The following TMEM63A variants were observed in gnomAD, a reference collection of about 807,000 sequenced individuals.
The protein encoded by TMEM63A is mechanosensitive cation channel TMEM63A.
A neutral mutation model predicts 100.6 loss-of-function variants in TMEM63A; 76 were observed. That is an observed-to-expected ratio of 0.76 (90% confidence interval 0.63 to 0.91). The LOEUF is 0.91. TMEM63A is among the 40% of genes least tolerant of loss of function. The probability of loss-of-function intolerance (pLI) is 0.00; values close to 1 mark genes in which losing one functional copy is unlikely to be tolerated. For missense variants in TMEM63A, 876 were observed against 1,008.8 expected (o/e 0.87, Z 1.78); for synonymous variants, 401 against 401.1 (o/e 1.00, Z 0.00).
intron 14 of TMEM63A, chr1:225,859,649 G>GCTTT (rs746371875): frequency 3.2e-4 from 87 of 268,784 alleles, no homozygotes; most frequent in African/African-American, 1.6e-3. Context: ...TTCTTTTTCT[G>GCTTT]TTTTTTTTTT....
rs1049163312 is a variant in TMEM63A, at chr1:225,851,190, G to A, written c.1904-1111C>T. Among the ~76,000 whole-genome samples the A allele has an allele frequency of 2.0e-5, 3 of 152,050 alleles. No homozygotes were observed. The East Asian group carries it at 5.8e-4, about 29-fold the overall frequency. On this transcript the variant is annotated intron_variant, in intron 20 of 24. Coordinates refer to ENST00000366835, the MANE Select transcript of TMEM63A (RefSeq NM_014698.3). ...TCCTCCCCAGCCCTTCCCATGCTGA[G>A]CCCCTGTATGTCAGTGCTCCCACAC... is the stretch of plus-strand genomic sequence containing the variant.
In TMEM63A at chr1:225,862,209, T is replaced by G; in HGVS notation, c.1085+9A>C. 2 of 1,613,488 alleles carry G rather than the reference T, an allele frequency of 1.2e-6. No homozygotes were observed. The highest frequency in any genetic ancestry group is 1.7e-6 in the Non-Finnish European group (2 of 1,179,974). ...AGCCAAGAAGGGGTCTGGATGTGCCTACACTCACTAGGTGGCCATGGACTT... is the reference window on the plus strand; with the variant it reads ...AGCCAAGAAGGGGTCTGGATGTGCCGACACTCACTAGGTGGCCATGGACTT... On this transcript the variant is annotated intron_variant, in intron 13 of 24. Coordinates refer to ENST00000366835, the MANE Select transcript of TMEM63A (RefSeq NM_014698.3). This position sits in a 1 kb window ranked among gnomAD's most constrained non-coding sequence, Gnocchi z 5.1.
At chr1:225,870,444 GCCC>G (rs3841810) in intron 6 of TMEM63A, among the ~76,000 whole-genome samples, 3 of 150,186 alleles carry the variant, frequency 2.0e-5, no homozygotes, top group African/African-American at 4.9e-5. Flanking sequence ...ATCAGTCCCC[GCCC>G]CCCCCCGCCT....
chr1:225,859,705 G>C (rs1284073787), intron 14 of TMEM63A: 1 of 243,620 alleles, frequency 4.1e-6, no homozygotes, highest in African/African-American at 2.4e-5. Flanking sequence ...GAGTGCAGTG[G>C]TGTGATCTCG....
At position 225,853,594 on chromosome 1, in the gene TMEM63A, G is replaced by C. The variant is rs751241524; in HGVS notation, c.1797+35C>G. On this transcript the variant is annotated intron_variant, in intron 19 of 24. Coordinates refer to ENST00000366835, the MANE Select transcript of TMEM63A (RefSeq NM_014698.3). This position sits in a 1 kb window ranked among gnomAD's most constrained non-coding sequence, Gnocchi z 4.0. ...TCAGTGAAGGGGGACATGGGAGGGAGTCAGAGGCACAGCCCTGGGCCCAGG... is the reference window on the plus strand; with the variant it reads ...TCAGTGAAGGGGGACATGGGAGGGACTCAGAGGCACAGCCCTGGGCCCAGG... 21 of 1,508,128 alleles carry C rather than the reference G, an allele frequency of 1.4e-5. No homozygotes were observed. The highest frequency in any genetic ancestry group is 1.8e-5 in the Non-Finnish European group (20 of 1,123,054). 93.4% of individuals were successfully genotyped at this position (1,508,128 alleles called of 1,614,324 possible).
Position 225,867,124 on chromosome 1 carries a change from T to C in TMEM63A, c.554A>G (p.Asn185Ser). The C allele has an allele frequency of 3.7e-6, 6 of 1,614,040 alleles. No homozygotes were observed. The highest frequency in any genetic ancestry group is 5.1e-6 in the Non-Finnish European group (6 of 1,179,994). Residue 185 changes from asparagine (N) to serine (S), a missense_variant, in exon 8 of 25, where the codon AAC becomes AGC. Asn to Ser is a conservative substitution (Grantham distance 46, BLOSUM62 1). Coordinates refer to ENST00000366835, the MANE Select transcript of TMEM63A (RefSeq NM_014698.3). This position sits in a 1 kb window ranked among gnomAD's most constrained non-coding sequence, Gnocchi z 4.6. ...PYSFGRTTIA[N>S]LQTDNDLLWL... Reference sequence around the variant, plus strand: ...GCTCCATACTCACTCAGTCTGTAGGTTTGCTATTGTTGTCCTCCCAAAACT... The same window carrying C: ...GCTCCATACTCACTCAGTCTGTAGGCTTGCTATTGTTGTCCTCCCAAAACT...
intron 3 of TMEM63A, 69 bp downstream of exon 3, chr1:225,877,326 A>C: frequency 6.7e-7 from 1 of 1,503,000 alleles, no homozygotes; most frequent in Non-Finnish European, 9.0e-7. Flanking sequence ...TAAGTTTCCC[A>C]GAAGGCCCTG....
At chr1:225,857,137 A>C in intron 15 of TMEM63A, 120 bp from the exon 16 acceptor site, 1 of 785,416 alleles carries the variant, frequency 1.3e-6, no homozygotes, top group East Asian at 3.2e-5. Flanking sequence ...GTCATCTCTG[A>C]CCCCAGAACC....
intron 6 of TMEM63A, among the ~76,000 whole-genome samples, chr1:225,869,666 C>CTTTTCTTTTTTTTTTTTTTTTTTT (rs76862516): frequency 9.1e-6 from 1 of 109,910 alleles, no homozygotes; most frequent in African/African-American, 3.5e-5. Flanking sequence ...CTTTTCTTTT[C>CTTTTCTTTTTTTTTTTTTTTTTTT]TTTTTTTTTT....
chr1:225,873,736 G>A (rs923803041), intron 4 of TMEM63A, among the ~76,000 whole-genome samples: 2 of 152,214 alleles, frequency 1.3e-5, no homozygotes, highest in African/African-American at 4.8e-5. Context: ...GACCTGGCAG[G>A]AGGGTGGGGC....
At chr1:225,871,534 T>A (rs1670506934) in intron 5 of TMEM63A, 1 of 212,524 alleles carries the variant, frequency 4.7e-6, no homozygotes, top group Non-Finnish European at 9.5e-6. Context: ...TCTCTTAAAC[T>A]TAATACCCCT....
rs116388284 is a variant in TMEM63A, at chr1:225,853,779, C to G, written c.1647G>C (p.Leu549=). 647 of 1,602,810 alleles carry G rather than the reference C, an allele frequency of 4.0e-4. 2 individuals carry two copies. The African/African-American group carries it at 8.0e-3, about 20-fold the overall frequency. ...EASIRLECVF[L]PDQGAFFVNY... is the part of the protein sequence containing the mutation. ...TCACAAAGAAGGCACCCTGGTCAGG[C>G]AGGAAGACGCACCTGGGGAAACCAG... The change falls in exon 19 of 25, where the codon CTG becomes CTC. Residue 549 remains leucine, a synonymous_variant. Coordinates refer to ENST00000366835, the MANE Select transcript of TMEM63A (RefSeq NM_014698.3). The surrounding 1 kb of genome is among the most constrained non-coding windows in gnomAD (Gnocchi z 4.0).
intron 14 of TMEM63A, 46 bp from the exon 15 acceptor site, chr1:225,859,395 G>GT (rs1669820119): frequency 6.2e-7 from 1 of 1,608,394 alleles, no homozygotes; most frequent in Non-Finnish European, 8.5e-7. Context: ...GTCTCCCAGT[G>GT]CTCGTGGCTT....
intron 23 of TMEM63A, 71 bp from the exon 24 acceptor site, chr1:225,847,284 C>A: frequency 6.4e-7 from 1 of 1,551,680 alleles, no homozygotes; most frequent in Non-Finnish European, 8.8e-7. Flanking sequence ...CCCCTCCTGC[C>A]CTTCTCCCAA....
chr1:225,843,467 G>A (rs1039191400), downstream of TMEM63A, among the ~76,000 whole-genome samples: 6 of 152,178 alleles, frequency 3.9e-5, no homozygotes, highest in South Asian at 2.1e-4. Context: ...CAGGGCCTTC[G>A]TCTGGGATCT....
At chr1:225,876,083 A>T (rs1445756474) in intron 3 of TMEM63A, among the ~76,000 whole-genome samples, 3 of 146,740 alleles carry the variant, frequency 2.0e-5, no homozygotes, top group Admixed American at 2.0e-4. Context: ...AAAAAAAAAA[A>T]AAAAAAAAAA....
At position 225,877,487 on chromosome 1, in the gene TMEM63A, A is replaced by G; in HGVS notation, c.94T>C (p.Cys32Arg). Residue 32 changes from cysteine to arginine, a missense_variant, in exon 3 of 25, where the codon TGC becomes CGC. Cys to Arg is a radical substitution (Grantham distance 180). Transcript: ENST00000366835. ...GLGDRPNDSY[C>R]YNSAKNSTVL... Reference sequence around the variant, plus strand: ...GTGCTGTTTTTGGCCGAGTTGTAGCAATAGGAGTCGTTGGGCCGGTCCCCG... The same window carrying G: ...GTGCTGTTTTTGGCCGAGTTGTAGCGATAGGAGTCGTTGGGCCGGTCCCCG... The G allele has an allele frequency of 1.2e-6, 2 of 1,614,204 alleles. No individual in the cohort carries two copies. Among genetic ancestry groups the G allele is most frequent in the Non-Finnish European group, 1.7e-6 (2 of 1,180,046 alleles).
chr1:225,880,023 C>T (rs528353356), intron 1 of TMEM63A, among the ~76,000 whole-genome samples: 118 of 152,260 alleles, frequency 7.7e-4, no homozygotes, highest in African/African-American at 2.7e-3. Flanking sequence ...GAAACACCTG[C>T]GGCTCCTCTT....
intron 1 of TMEM63A, among the ~76,000 whole-genome samples, chr1:225,881,147 G>A (rs545861443): frequency 1.7e-3 from 254 of 152,256 alleles, no homozygotes; most frequent in African/African-American, 5.7e-3. Context: ...CTACCCTGGA[G>A]CACAAAGGAA....
Sources: gnomAD v4.1 joint callset for allele counts (sites outside exome capture counted in the v4.1 genomes callset) on GRCh38, gnomAD v4.1.1 for gene constraint, Gnocchi (gnomAD v3.1) non-coding constraint, MANE v1.5 for transcripts, NCBI Gene and HGNC (gene_info 2026-07-23, HGNC 2026-07-21) for gene names.